The following LOC112694756 variants were observed in gnomAD, a reference collection of about 807,000 sequenced individuals.
At chr16:30,069,100 A>AG in the LOC112694756 span, 1 of 1,485,484 alleles carries the variant, frequency 6.7e-7, no homozygotes, top group Non-Finnish European at 9.3e-7. Flanking sequence ...TGGCCCGTGG[A>AG]GGACACTCAA....
chr16:30,069,870 G>A, the LOC112694756 span: 83 of 1,614,116 alleles, frequency 5.1e-5, no homozygotes, highest in East Asian at 6.9e-4. Context: ...AGGAGGAGGC[G>A]TCCATCAACC....
chr16:30,054,659 T>G, the LOC112694756 span: 1 of 397,610 alleles, frequency 2.5e-6, no homozygotes, highest in Admixed American at 4.4e-5. Context: ...GTAGTCCTGT[T>G]GACGCTCTCC....
the LOC112694756 span, among the ~76,000 whole-genome samples, chr16:30,065,240 G>A: frequency 6.6e-6 from 1 of 152,214 alleles, no homozygotes; most frequent in Non-Finnish European, 1.5e-5. Flanking sequence ...GCCTGGGCCA[G>A]TGACAGGGTG....
the LOC112694756 span, chr16:30,068,585 A>G: frequency 6.3e-7 from 1 of 1,577,712 alleles, no homozygotes; most frequent in Non-Finnish European, 8.7e-7. Flanking sequence ...CCGGGGCGAC[A>G]GTGGAAAGGG....
the LOC112694756 span, among the ~76,000 whole-genome samples, chr16:30,054,076 T>C: frequency 7.9e-5 from 12 of 151,650 alleles, no homozygotes; most frequent in Non-Finnish European, 1.3e-4. Context: ...TCCCAGCACT[T>C]TGGGAGGCCG....
At chr16:30,067,766 G>A in the LOC112694756 span, 2 of 1,334,484 alleles carry the variant, frequency 1.5e-6, no homozygotes, top group Admixed American at 1.7e-5. Flanking sequence ...CTAGAGACTT[G>A]CATGGAGCCT....
the LOC112694756 span, among the ~76,000 whole-genome samples, chr16:30,062,028 C>A: frequency 3.3e-5 from 5 of 151,250 alleles, no homozygotes; most frequent in Admixed American, 1.3e-4. Flanking sequence ...CATGGTGAAA[C>A]CCTGTCTCTA....
the LOC112694756 span, among the ~76,000 whole-genome samples, chr16:30,063,140 CAA>C: frequency 2.7e-4 from 29 of 105,786 alleles, no homozygotes; most frequent in South Asian, 5.2e-4. Flanking sequence ...GACCCTGTCT[CAA>C]AAAAAAAAAA....
the LOC112694756 span, chr16:30,066,790 C>T: frequency 2.2e-6 from 3 of 1,384,114 alleles, no homozygotes; most frequent in South Asian, 4.3e-5. Flanking sequence ...ACAGACCTTT[C>T]CCATATCTGG....
At chr16:30,069,424 C>T in the LOC112694756 span, 1 of 1,614,042 alleles carries the variant, frequency 6.2e-7, no homozygotes, top group East Asian at 2.2e-5. Context: ...TGCAAGGTGG[C>T]TGGCCGGGGA....
chr16:30,067,169 T>C, the LOC112694756 span: 1 of 1,606,864 alleles, frequency 6.2e-7, no homozygotes, highest in Non-Finnish European at 8.5e-7. Flanking sequence ...AGAGGGGCCC[T>C]GGTCATCGGG....
At chr16:30,064,081 C>T in the LOC112694756 span, 5 of 398,414 alleles carry the variant, frequency 1.3e-5, no homozygotes, top group South Asian at 6.4e-4. Context: ...GGCAGGTGCC[C>T]TGGCTTCCCT....
chr16:30,067,507 G>A, the LOC112694756 span: 6 of 1,613,586 alleles, frequency 3.7e-6, no homozygotes, highest in East Asian at 2.2e-5. Context: ...GAGAACCGGC[G>A]CTTCTACCGC....
At chr16:30,066,493 A>G in the LOC112694756 span, among the ~76,000 whole-genome samples, 1 of 152,230 alleles carries the variant, frequency 6.6e-6, no homozygotes, top group Non-Finnish European at 1.5e-5. Flanking sequence ...CCCCGTAGGA[A>G]CAGTGACGAT....
the LOC112694756 span, chr16:30,068,262 C>T: frequency 5.9e-6 from 2 of 339,800 alleles, no homozygotes; most frequent in South Asian, 2.3e-5. Context: ...CACTGGGTTT[C>T]ACCATGTTAG....
chr16:30,064,674 A>G, the LOC112694756 span: 1 of 390,264 alleles, frequency 2.6e-6, no homozygotes, highest in Non-Finnish European at 4.5e-6. Context: ...GTCATTAGAG[A>G]AGATCGGGGA....
the LOC112694756 span, among the ~76,000 whole-genome samples, chr16:30,059,733 T>G: frequency 2.7e-5 from 4 of 150,732 alleles, no homozygotes; most frequent in Non-Finnish European, 5.9e-5. Flanking sequence ...CGGCTAAAGT[T>G]TGTATTTTTA....
At chr16:30,057,684 C>T in the LOC112694756 span, among the ~76,000 whole-genome samples, 3 of 152,196 alleles carry the variant, frequency 2.0e-5, no homozygotes, top group East Asian at 5.8e-4. Context: ...TTCAGATAAT[C>T]ACCTTCTGGT....
chr16:30,063,703 C>T, the LOC112694756 span: 2 of 399,316 alleles, frequency 5.0e-6, no homozygotes, highest in Non-Finnish European at 8.8e-6. Flanking sequence ...ATCCCACCTC[C>T]CTCAACCCTC....
Sources: allele counts gnomAD v4.1 joint callset (sites outside exome capture counted in the v4.1 genomes callset), GRCh38; gene constraint gnomAD v4.1.1; transcripts MANE v1.5.